The following ACAA2 variants were observed in gnomAD, a reference collection of about 807,000 sequenced individuals.
ACAA2 encodes 3-ketoacyl-CoA thiolase, mitochondrial.
In ACAA2, 35 loss-of-function variants were observed where a neutral mutation model predicts 44.8. The observed-to-expected ratio is 0.78, with a 90% CI of 0.60 to 1.04. The LOEUF is 1.04. Among genes scored for constraint, ACAA2 ranks in the 50% least tolerant of loss-of-function variants. The pLI is 0.00. For missense variants in ACAA2, 468 were observed against 482.6 expected, an observed-to-expected ratio of 0.97 and a Z score of 0.28; for synonymous variants, 142 against 166.5, an observed-to-expected ratio of 0.85 and a Z score of 1.13.
At position 49,802,841 on chromosome 18, in the gene ACAA2, A is replaced by G. The variant is rs1363232962; in HGVS notation, c.29T>C (p.Val10Ala). The G allele has an allele frequency of 1.9e-6, 3 of 1,614,004 alleles. No homozygotes were observed. The highest frequency in any genetic ancestry group is 2.5e-6 in the Non-Finnish European group (3 of 1,179,990). MALLRGVFV[V>A]AAKRTPFGAY... ...TCCAAAGGGCGTTCGCTTAGCAGCA[A>G]CTACAAACACACCTATTGCAACAAG... Residue 10 changes from valine (V) to alanine (A), a missense_variant, in exon 2 of 10, where the codon GTT becomes GCT. By Grantham distance (64) the Val-to-Ala change is moderately conservative. Transcript: ENST00000285093.
At chr18:49,800,118 C>T (rs1248111052) in intron 2 of ACAA2, among the ~76,000 whole-genome samples, 10 of 144,106 alleles carry the variant, frequency 6.9e-5, no homozygotes, top group Admixed American at 1.4e-4. Context: ...CCGCCCCGTC[C>T]GGGAGGGAGG....
chr18:49,791,348 A>G, intron 7 of ACAA2, 122 bp downstream of exon 7: 2 of 873,800 alleles, frequency 2.3e-6, no homozygotes, highest in Non-Finnish European at 3.5e-6. Flanking sequence ...ATTTAAACTG[A>G]TTACCAATCT....
intron 1 of ACAA2, among the ~76,000 whole-genome samples, chr18:49,803,281 T>TAATAATAATAAC: frequency 6.8e-6 from 1 of 146,892 alleles, no homozygotes; most frequent in Non-Finnish European, 1.5e-5. Flanking sequence ...ATAATAATAA[T>TAATAATAATAAC]ATCAATCCCT....
chr18:49,791,738 G>T, intron 6 of ACAA2, 139 bp from the exon 7 acceptor site: 1 of 791,248 alleles, frequency 1.3e-6, no homozygotes, highest in Non-Finnish European at 1.9e-6. Flanking sequence ...TTAGAAAAGT[G>T]GTACTGTGGT....
intron 2 of ACAA2, among the ~76,000 whole-genome samples, chr18:49,800,239 C>G (rs979161408): frequency 6.8e-6 from 1 of 147,622 alleles, no homozygotes; most frequent in African/African-American, 2.5e-5. Flanking sequence ...AGCCCCCCGC[C>G]CGGCCAGCCG....
chr18:49,792,447 G>A (rs2023414725), intron 5 of ACAA2, 120 bp from the exon 6 acceptor site: 1 of 947,518 alleles, frequency 1.1e-6, no homozygotes, highest in South Asian at 1.9e-5. Context: ...TTAATATTGA[G>A]TCTTTATTAA....
intron 1 of ACAA2, among the ~76,000 whole-genome samples, chr18:49,805,594 G>A (rs1359646266): frequency 1.3e-5 from 2 of 150,382 alleles, no homozygotes; most frequent in African/African-American, 4.9e-5. Flanking sequence ...AGACAGTCTT[G>A]CTCTGTGCCC....
chr18:49,799,294 C>T (rs1037246212), intron 2 of ACAA2, among the ~76,000 whole-genome samples: 1 of 151,600 alleles, frequency 6.6e-6, no homozygotes, highest in Admixed American at 6.6e-5. Flanking sequence ...GCTGCCATCT[C>T]GGCTCACTGC....
chr18:49,807,791 A>G (rs2023625054), intron 1 of ACAA2, among the ~76,000 whole-genome samples: 1 of 152,110 alleles, frequency 6.6e-6, no homozygotes, highest in Non-Finnish European at 1.5e-5. Context: ...TGTTCACACC[A>G]CTGTACTCCA....
At position 49,804,419 on chromosome 18, in the gene ACAA2, AT is replaced by A. The variant is rs2143975052; in HGVS notation, c.17-1567del. Among the ~76,000 whole-genome samples the A allele has an allele frequency of 2.0e-5, 3 of 152,304 alleles. No homozygotes were observed. The East Asian group carries it at 5.8e-4, about 29-fold the overall frequency. ...ATTATCTTTTACTCTTAGAAAAAAAATGGGCAAAACAGGTTACCTTCTACAT... is the reference window on the plus strand; with the variant it reads ...ATTATCTTTTACTCTTAGAAAAAAAAGGGCAAAACAGGTTACCTTCTACAT... On this transcript the variant is annotated intron_variant, in intron 1 of 9. Coordinates refer to ENST00000285093, the MANE Select transcript of ACAA2 (RefSeq NM_006111.3).
chr18:49,792,168 G>A lies in ACAA2; in HGVS notation c.737C>T (p.Thr246Ile), dbSNP rs778489141. ...GATACCAACCGATGCATTCCCTGCA[G>A]TAACAGTTCCATCTTTCTTGAATAC... Reference protein sequence around the residue: ...PPVFKKDGTVTAGNASGVADG... With the variant: ...PPVFKKDGTVIAGNASGVADG... The change falls in exon 6 of 10, where the codon ACT (threonine) becomes ATT (isoleucine). Residue 246 changes from threonine to isoleucine, a missense_variant. Coordinates refer to ENST00000285093, the MANE Select transcript of ACAA2 (RefSeq NM_006111.3). 1 of 1,613,786 alleles carries A rather than the reference G, an allele frequency of 6.2e-7. No individual in the cohort carries two copies. The highest frequency in any genetic ancestry group is 1.1e-5 in the South Asian group (1 of 91,028).
At chr18:49,808,912 G>C (rs777858472) in intron 1 of ACAA2, among the ~76,000 whole-genome samples, 1 of 152,054 alleles carries the variant, frequency 6.6e-6, no homozygotes, top group African/African-American at 2.4e-5. Context: ...ACCAAGAAGC[G>C]TTTTTTCCCC....
chr18:49,808,462 C>T (rs929321176), intron 1 of ACAA2, among the ~76,000 whole-genome samples: 8 of 152,260 alleles, frequency 5.3e-5, no homozygotes, highest in African/African-American at 1.9e-4. Flanking sequence ...TCATGGGAAC[C>T]CGCCCCCCAA....
chr18:49,788,476 C>T (rs1295194088), intron 7 of ACAA2, among the ~76,000 whole-genome samples: 1 of 152,218 alleles, frequency 6.6e-6, no homozygotes, highest in Non-Finnish European at 1.5e-5. Flanking sequence ...CCAGTTAATG[C>T]ACTTCAATTT....
chr18:49,810,156 AAT>A (rs1356257810), intron 1 of ACAA2, among the ~76,000 whole-genome samples: 1 of 152,226 alleles, frequency 6.6e-6, no homozygotes, highest in African/African-American at 2.4e-5. Flanking sequence ...CATTTGCAGA[AAT>A]AATAAAGAAG....
chr18:49,798,343 G>A (rs559768749), intron 2 of ACAA2, among the ~76,000 whole-genome samples: 19 of 152,258 alleles, frequency 1.2e-4, no homozygotes, highest in African/African-American at 2.6e-4. Flanking sequence ...ATATGGGGGC[G>A]TCTTGTTATA....
chr18:49,801,184 A>G (rs1367237142), intron 2 of ACAA2, among the ~76,000 whole-genome samples: 1 of 152,218 alleles, frequency 6.6e-6, no homozygotes, highest in African/African-American at 2.4e-5. Context: ...TATTCGAAGC[A>G]TATTCTGTTC....
At chr18:49,800,195 C>T (rs1226105833) in intron 2 of ACAA2, among the ~76,000 whole-genome samples, 8 of 139,420 alleles carry the variant, frequency 5.7e-5, no homozygotes, top group Non-Finnish European at 9.4e-5. Flanking sequence ...GCCCCCCGCC[C>T]GGCCAGCCGC....
chr18:49,792,032 A>ACTATTAGTTTAAGCTAAACAACT, intron 6 of ACAA2, 120 bp downstream of exon 6: 1 of 658,274 alleles, frequency 1.5e-6, no homozygotes, highest in Non-Finnish European at 2.4e-6. Flanking sequence ...GAATATGAAC[A>ACTATTAGTTTAAGCTAAACAACT]CTATTAGTTT....
Sources: gnomAD v4.1 joint callset for allele counts (sites outside exome capture counted in the v4.1 genomes callset) on GRCh38, gnomAD v4.1.1 for gene constraint, MANE v1.5 for transcripts, NCBI Gene and HGNC (gene_info 2026-07-23, HGNC 2026-07-21) for gene names.